The following NRXN2 variants were observed in gnomAD, a reference collection of about 807,000 sequenced individuals.
The protein encoded by NRXN2 is neurexin-2-beta.
A neutral mutation model predicts 128.8 loss-of-function variants in NRXN2; 29 were observed. That is an observed-to-expected ratio of 0.23 (90% confidence interval 0.17 to 0.31). The LOEUF is 0.31. Ranked by LOEUF, NRXN2 falls within the 10% of genes least tolerant of loss-of-function variation. The probability of loss-of-function intolerance (pLI) is 1.00; values close to 1 mark genes in which losing one functional copy is unlikely to be tolerated. For synonymous variants in NRXN2, 1,098 were observed against 1,075.2 expected, an observed-to-expected ratio of 1.02 and a Z score of -0.41; for missense variants, 1,881 against 2,452.6, an observed-to-expected ratio of 0.77 and a Z score of 4.92.
Position 64,713,376 on chromosome 11 carries a change from G to T in NRXN2, c.324C>A (p.Ala108=). ...GCAGCACCATGTGCCAGCGGTCGTC[G>T]GCCACCGGCGTGTCCAGCTGCAGCG... The part of the protein sequence containing the change: ...PATLQLDTPV[A]DDRWHMVLLT... The change falls in exon 2 of 23, where the codon GCC becomes GCA. Residue 108 remains alanine (A), a synonymous_variant. Coordinates refer to ENST00000265459, the MANE Select transcript of NRXN2 (RefSeq NM_015080.4). 2.1e-6 allele frequency: 3 copies of T among 1,448,574 alleles called. No homozygotes were observed. The highest frequency in any genetic ancestry group is 2.7e-6 in the Non-Finnish European group (3 of 1,104,844). The allele number at this position is 1,448,574 out of a possible 1,614,324, so 89.7% of individuals were successfully genotyped here. A position where few individuals can be genotyped will look rare whatever the true frequency, so the allele number is the denominator to read the frequency against.
Position 64,714,832 on chromosome 11 carries a change from G to C in NRXN2, c.-244-889C>G, listed in dbSNP as rs911757214. On this transcript the variant is annotated intron_variant, in intron 1 of 22. Coordinates refer to ENST00000265459, the MANE Select transcript of NRXN2 (RefSeq NM_015080.4). This position sits in a 1 kb window ranked among gnomAD's most constrained non-coding sequence, Gnocchi z 4.5. ...TTTCTGAAATGATTACCCTTGTAAC[G>C]GGCTGTCAGAGAGCAATTTATACCC... Among the ~76,000 whole-genome samples, 1 of 152,146 alleles carries C rather than the reference G, an allele frequency of 6.6e-6. No individual in the cohort carries two copies. The highest frequency in any genetic ancestry group is 1.5e-5 in the Non-Finnish European group (1 of 68,036).
At chr11:64,681,589 C>G (rs930538641) in intron 6 of NRXN2, among the ~76,000 whole-genome samples, 4 of 152,170 alleles carry the variant, frequency 2.6e-5, no homozygotes, top group Non-Finnish European at 4.4e-5. Flanking sequence ...GGCAATACCC[C>G]AGTTAGTCAT....
chr11:64,705,292 C>G (rs543179936), intron 2 of NRXN2, among the ~76,000 whole-genome samples: 5 of 152,282 alleles, frequency 3.3e-5, no homozygotes, highest in Non-Finnish European at 1.5e-5. Flanking sequence ...TGAGTCAGCT[C>G]AGGGCTCAGA....
At position 64,622,096 on chromosome 11, in the gene NRXN2, C is replaced by G. The variant is rs1591547220; in HGVS notation, c.4173+657G>C. Among the ~76,000 whole-genome samples, 1 of 152,280 alleles carries G rather than the reference C, an allele frequency of 6.6e-6. No homozygotes were observed. The highest frequency in any genetic ancestry group is 1.9e-4 in the East Asian group (1 of 5,186). ...ACCAGGGAACTGTCTGCACTGAGACCCCCTCAGACGCACAGACGGAGAGGA... is the reference window on the plus strand; with the variant it reads ...ACCAGGGAACTGTCTGCACTGAGACGCCCTCAGACGCACAGACGGAGAGGA... On this transcript the variant is annotated intron_variant, in intron 21 of 22. Transcript: ENST00000265459. This position sits in a 1 kb window ranked among gnomAD's most constrained non-coding sequence, Gnocchi z 4.3.
In NRXN2 at chr11:64,651,628, C is replaced by T; in HGVS notation, c.2545G>A (p.Ala849Thr). ...VDNVTVEGQM[A>T]GAHMRLEFHN... ...AACTCCAGCCGCATATGGGCTCCTG[C>T]CATCTGTCCTGCTCAGGACAGGAGA... Residue 849 changes from alanine (A) to threonine (T), a missense_variant, in exon 14 of 23, where the codon GCA (alanine) becomes ACA (threonine). This residue lies in a region of NRXN2 where 997 missense variants were observed against 1,240.8 expected (regional missense o/e 0.80). Transcript: ENST00000265459. The surrounding 1 kb of genome is among the most constrained non-coding windows in gnomAD (Gnocchi z 5.9). 6.2e-7 allele frequency: 1 copy of T among 1,613,866 alleles called. No homozygotes were observed. The highest frequency in any genetic ancestry group is 8.5e-7 in the Non-Finnish European group (1 of 1,179,974).
chr11:64,656,832 G>T (rs2048347949), intron 11 of NRXN2, among the ~76,000 whole-genome samples: 1 of 152,230 alleles, frequency 6.6e-6, no homozygotes. Flanking sequence ...TGCAAACATA[G>T]TGGGGGCTGG....
At chr11:64,608,126 GC>G in intron 22 of NRXN2, 44 bp from the exon 23 acceptor site, 2 of 1,458,134 alleles carry the variant, frequency 1.4e-6, no homozygotes, top group Non-Finnish European at 9.4e-7. Flanking sequence ...GTCAGCGAGG[GC>G]CAGGGCGCAG....
In NRXN2 at chr11:64,607,739, G is replaced by A. The variant is rs200174918; in HGVS notation, c.4596C>T (p.Pro1532=). 3.2e-6 allele frequency: 5 copies of A among 1,574,640 alleles called. No homozygotes were observed. Among genetic ancestry groups the A allele is most frequent in the East Asian group, 2.4e-5 (1 of 42,362 alleles). Residue 1532 remains proline (P), a synonymous_variant, in exon 23 of 23, where the codon CCC becomes CCT. Transcript: ENST00000265459. ...CTGTCCTGAGGTTGGGCCGGGGAGC[G>A]GGTTTGCGGGGTGACAGGAGGGTGG... The part of the protein sequence containing the change: ...DRTTLLSPRK[P]APRPNLRTDG...
At chr11:64,696,013 C>G (rs184523765) in intron 3 of NRXN2, among the ~76,000 whole-genome samples, 11 of 151,844 alleles carry the variant, frequency 7.2e-5, no homozygotes, top group African/African-American at 2.4e-4. Flanking sequence ...TGCCCCACCC[C>G]CTACAGCTTG....
chr11:64,629,214 G>A (rs779399535), intron 19 of NRXN2, among the ~76,000 whole-genome samples: 33 of 152,284 alleles, frequency 2.2e-4, no homozygotes, highest in Non-Finnish European at 3.4e-4. Flanking sequence ...GATGGAGGTC[G>A]CAGATGCTCA....
Position 64,607,647 on chromosome 11 carries a change from C to A in NRXN2, c.4688G>T (p.Gly1563Val). ...PSAPAPNLPA[G>V]KMNHRDPLQP... Reference sequence around the variant, plus strand: ...AAGCGGGTCTCGGTGGTTCATTTTGCCCGCCGGCAGGTTGGGGGCCGGGGC... The same window carrying A: ...AAGCGGGTCTCGGTGGTTCATTTTGACCGCCGGCAGGTTGGGGGCCGGGGC... Residue 1563 changes from glycine to valine, a missense_variant, in exon 23 of 23, where the codon GGC (glycine) becomes GTC (valine). Physicochemically the swap from Gly to Val is moderately radical, Grantham distance 109. Transcript: ENST00000265459. 6.6e-7 allele frequency: 1 copy of A among 1,522,108 alleles called. No individual in the cohort carries two copies. Among genetic ancestry groups the A allele is most frequent in the Non-Finnish European group, 8.8e-7 (1 of 1,134,050 alleles). 94.3% of individuals were successfully genotyped at this position (1,522,108 alleles called of 1,614,324 possible).
intron 11 of NRXN2, among the ~76,000 whole-genome samples, chr11:64,658,779 C>T (rs2048617724): frequency 6.6e-6 from 1 of 152,238 alleles, no homozygotes; most frequent in South Asian, 2.1e-4. Flanking sequence ...GTAATCCCAG[C>T]ACTTTGGGAG....
chr11:64,686,562 C>T (rs1375984120), intron 5 of NRXN2, among the ~76,000 whole-genome samples: 1 of 152,166 alleles, frequency 6.6e-6, no homozygotes, highest in Non-Finnish European at 1.5e-5. Flanking sequence ...CACACGAAGG[C>T]GATGCAGGTG....
At position 64,660,607 on chromosome 11, in the gene NRXN2, T is replaced by C; in HGVS notation, c.2186-72A>G. The C allele has an allele frequency of 3.1e-6, 5 of 1,594,270 alleles. No homozygotes were observed. The highest frequency in any genetic ancestry group is 1.3e-5 in the African/African-American group (1 of 74,622). Reference sequence around the variant, plus strand: ...CCAGGGGAGGGAGAAGACCAGAGAATCATTACAAGGGCGAAAAGCCTAGGG... The same window carrying C: ...CCAGGGGAGGGAGAAGACCAGAGAACCATTACAAGGGCGAAAAGCCTAGGG... On this transcript the variant is annotated intron_variant, in intron 10 of 22. Transcript: ENST00000265459. This position sits in a 1 kb window ranked among gnomAD's most constrained non-coding sequence, Gnocchi z 5.2.
At chr11:64,680,699 T>C (rs1406613040) in intron 6 of NRXN2, among the ~76,000 whole-genome samples, 3 of 152,062 alleles carry the variant, frequency 2.0e-5, no homozygotes, top group African/African-American at 7.2e-5. Context: ...CAGGGGCTAG[T>C]GGGGAGAGAC....
chr11:64,672,188 G>A (rs907009412), intron 7 of NRXN2, among the ~76,000 whole-genome samples: 3 of 152,188 alleles, frequency 2.0e-5, no homozygotes, highest in South Asian at 2.1e-4. Context: ...GGCTGGAGGT[G>A]GACACAAGGG....
At chr11:64,682,409 C>T (rs2052442192) in intron 6 of NRXN2, among the ~76,000 whole-genome samples, 1 of 151,236 alleles carries the variant, frequency 6.6e-6, no homozygotes, top group African/African-American at 2.4e-5. Context: ...GGACTCCATC[C>T]CTAGGAGAAT....
intron 3 of NRXN2, among the ~76,000 whole-genome samples, chr11:64,693,468 G>A (rs1285852761): frequency 6.6e-6 from 1 of 152,078 alleles, no homozygotes; most frequent in Non-Finnish European, 1.5e-5. Context: ...CGGGCAAGGG[G>A]GCCTCCAACC....
At chr11:64,693,803 G>A (rs974117929) in intron 3 of NRXN2, among the ~76,000 whole-genome samples, 14 of 152,132 alleles carry the variant, frequency 9.2e-5, no homozygotes, top group African/African-American at 3.1e-4. Context: ...GAGGACAGCC[G>A]AGCCCTATGG....
Sources: allele counts gnomAD v4.1 joint callset (sites outside exome capture counted in the v4.1 genomes callset), GRCh38; gene constraint gnomAD v4.1.1; regional missense constraint gnomAD v4.1.1; non-coding constraint Gnocchi (gnomAD v3.1); transcripts MANE v1.5; gene names NCBI Gene and HGNC (gene_info 2026-07-23, HGNC 2026-07-21).